SHROOM4: variants seen among roughly 807,000 people sequenced by gnomAD.
SHROOM4 encodes the protein shroom family member 4.
In SHROOM4, 17 loss-of-function variants were observed where a neutral mutation model predicts 80.3. The observed-to-expected ratio is 0.21, with a 90% CI of 0.14 to 0.32. The LOEUF (loss-of-function observed/expected upper bound fraction) is 0.32, where lower values mean the gene tolerates loss of function less well. SHROOM4 is among the 10% of genes least tolerant of loss of function. SHROOM4 has a pLI of 1.00. For missense variants in SHROOM4, 993 were observed against 1,140.3 expected (o/e 0.87, Z 1.86); for synonymous variants, 400 against 437.5 (o/e 0.91, Z 1.07).
chrX:50,789,002 G>A (rs1183467635), intron 1 of SHROOM4, among the ~76,000 whole-genome samples: 3 of 111,730 alleles, frequency 2.7e-5, no homozygotes, highest in East Asian at 2.8e-4. Context: ...TTAAACCACC[G>A]AAATATATAA....
At chrX:50,585,786 A>T (rs1353359063), downstream of SHROOM4, among the ~76,000 whole-genome samples, 2 of 111,388 alleles carry the variant, frequency 1.8e-5, no homozygotes, top group African/African-American at 3.3e-5. Context: ...GCTCCCAAAG[A>T]TACATGGTTT....
intron 1 of SHROOM4, among the ~76,000 whole-genome samples, chrX:50,766,231 T>C (rs1935272091): frequency 9.0e-6 from 1 of 111,583 alleles, no homozygotes; most frequent in Non-Finnish European, 1.9e-5. Context: ...TTCTAACCTT[T>C]TTAATGATAC....
At chrX:50,611,380 G>C (rs1219472977) in intron 5 of SHROOM4, among the ~76,000 whole-genome samples, 1 of 108,106 alleles carries the variant, frequency 9.3e-6, no homozygotes, top group Non-Finnish European at 1.9e-5. Flanking sequence ...TCGATCTCCT[G>C]ACCTCGTGAT....
intron 2 of SHROOM4, among the ~76,000 whole-genome samples, chrX:50,694,543 ATTTTTTTTTTTTTTT>A (rs782530547): frequency 2.4e-4 from 3 of 12,494 alleles, no homozygotes; most frequent in East Asian, 7.8e-3. Flanking sequence ...TTTAAGTTGG[ATTTTTTTTTTTTTTT>A]TTTTTTTTTT....
chrX:50,759,022 T>C (rs1417548642), intron 1 of SHROOM4, among the ~76,000 whole-genome samples: 1 of 112,066 alleles, frequency 8.9e-6, no homozygotes, highest in Non-Finnish European at 1.9e-5. Flanking sequence ...CCTCAATTCT[T>C]GAAATCTGTA....
At chrX:50,646,153 C>A (rs1184719291) in intron 2 of SHROOM4, among the ~76,000 whole-genome samples, 1 of 111,873 alleles carries the variant, frequency 8.9e-6, no homozygotes, top group Admixed American at 9.4e-5. Context: ...GAGGCCTGGA[C>A]CATAACAGAG....
intron 1 of SHROOM4, among the ~76,000 whole-genome samples, chrX:50,762,372 T>C (rs979388160): frequency 1.8e-5 from 2 of 111,726 alleles, no homozygotes; most frequent in Non-Finnish European, 3.8e-5. Flanking sequence ...AGGCCCCCAA[T>C]TCAATTATAC....
chrX:50,669,368 G>GTGGAGT (rs1932767719), intron 2 of SHROOM4, among the ~76,000 whole-genome samples: 1 of 111,591 alleles, frequency 9.0e-6, no homozygotes, highest in African/African-American at 3.3e-5. Context: ...GCAGTGGCGT[G>GTGGAGT]ATCACAGCTT....
At chrX:50,759,416 T>C (rs1168495521) in intron 1 of SHROOM4, among the ~76,000 whole-genome samples, 1 of 111,926 alleles carries the variant, frequency 8.9e-6, no homozygotes, top group African/African-American at 3.2e-5. Flanking sequence ...AGAAAATTGA[T>C]TTCTGTTATT....
chrX:50,797,491 G>C (rs889601815), intron 1 of SHROOM4, among the ~76,000 whole-genome samples: 8 of 111,698 alleles, frequency 7.2e-5, no homozygotes, highest in African/African-American at 2.6e-4. Context: ...TATGTATAGA[G>C]AGGCTCTGAA....
chrX:50,623,968 C>A (rs1557252521), intron 5 of SHROOM4, among the ~76,000 whole-genome samples: 1 of 3,651 alleles, frequency 2.7e-4, no homozygotes, highest in African/African-American at 3.0e-4. Context: ...AAAGGAAGAT[C>A]TATAAAGACA....
rs1277961292 is a variant in SHROOM4 at position 50,587,507 on chromosome X, A to T, written c.*9188T>A. ...TATTTTAGTTACTGCAGTAGCAAAGAGATTCATGAGTTTAGCCTATTGCAC... is the reference window on the plus strand; with the variant it reads ...TATTTTAGTTACTGCAGTAGCAAAGTGATTCATGAGTTTAGCCTATTGCAC... On this transcript the variant is annotated 3_prime_UTR_variant, in exon 9 of 9. Coordinates refer to ENST00000376020, the MANE Select transcript of SHROOM4 (RefSeq NM_020717.5). 8.9e-6 allele frequency among the ~76,000 whole-genome samples: 1 copy of T among 112,420 alleles called. No homozygotes were observed. The highest frequency in any genetic ancestry group is 1.9e-5 in the Non-Finnish European group (1 of 53,249).
intron 1 of SHROOM4, among the ~76,000 whole-genome samples, chrX:50,758,980 A>T (rs1017632194): frequency 2.7e-5 from 3 of 110,975 alleles, no homozygotes; most frequent in Non-Finnish European, 3.8e-5. Context: ...TTTTTAATTA[A>T]TTTTTCTGTA....
At position 50,634,350 on chromosome X, in the gene SHROOM4, G is replaced by T. The variant is rs782042090; in HGVS notation, c.1723C>A (p.Arg575=). The T allele has an allele frequency of 8.3e-7, 1 of 1,210,992 alleles. No homozygotes were observed. Among genetic ancestry groups the T allele is most frequent in the East Asian group, 3.0e-5 (1 of 33,768 alleles). Residue 575 remains arginine (R), a synonymous_variant, in exon 4 of 9, where the codon CGG becomes AGG. Coordinates refer to ENST00000376020, the MANE Select transcript of SHROOM4 (RefSeq NM_020717.5). The stretch of plus-strand genomic sequence containing the variant: ...CGCCGGTTTTGGATCGAGCGGCCCC[G>T]GGTCCCTCCACTTCGCCTACCACCC... ...RMGGRRSGGT[R]GRSIQNRRKS...
chrX:50,681,325 C>T (rs1557261783), intron 2 of SHROOM4, among the ~76,000 whole-genome samples: 1 of 111,488 alleles, frequency 9.0e-6, no homozygotes, highest in Non-Finnish European at 1.9e-5. Flanking sequence ...GAACTTCTTA[C>T]CAGAGCCTAC....
Position 50,607,758 on chromosome X carries a change from C to CTGCTGGTGCTGT in SHROOM4, c.3383_3384insACAGCACCAGCA (p.Gln1128_Lys1129insGlnHisGlnGln). On this transcript the variant is annotated inframe_insertion, in exon 6 of 9. Transcript: ENST00000376020. ...CCTCCTCCTCCTCCTCCTGTTGCTT[C>CTGCTGGTGCTGT]TGCTGCTGCTGTTGCTGCTTCTGCT... 8.3e-7 allele frequency: 1 copy of CTGCTGGTGCTGT among 1,201,476 alleles called. No individual in the cohort carries two copies. Among genetic ancestry groups the CTGCTGGTGCTGT allele is most frequent in the South Asian group, 1.8e-5 (1 of 56,095 alleles).
intron 2 of SHROOM4, among the ~76,000 whole-genome samples, chrX:50,695,484 A>T (rs1281064322): frequency 1.8e-5 from 2 of 111,958 alleles, no homozygotes; most frequent in Non-Finnish European, 3.8e-5. Context: ...ATTGAAAAAC[A>T]CTGGATTAGG....
intron 5 of SHROOM4, among the ~76,000 whole-genome samples, chrX:50,617,240 T>C (rs914971481): frequency 4.5e-5 from 5 of 112,344 alleles, no homozygotes; most frequent in African/African-American, 1.3e-4. Flanking sequence ...AAATAAGCAG[T>C]CATAAGGATG....
intron 2 of SHROOM4, among the ~76,000 whole-genome samples, chrX:50,651,737 C>G (rs1932076516): frequency 9.1e-6 from 1 of 109,769 alleles, no homozygotes; most frequent in African/African-American, 3.3e-5. Context: ...CCCCTAGCCC[C>G]TTAACCCCCG....
Sources: allele counts gnomAD v4.1 joint callset (sites outside exome capture counted in the v4.1 genomes callset), GRCh38; gene constraint gnomAD v4.1.1; transcripts MANE v1.5; gene names NCBI Gene and HGNC (gene_info 2026-07-23, HGNC 2026-07-21).